The following CDKN2B-AS1 variants were observed in gnomAD, a reference collection of about 807,000 sequenced individuals.
CDKN2B-AS1 encodes the protein CDKN2B antisense RNA 1 (non-protein coding).
Position 21,995,678 on chromosome 9 carries a change from G to C in CDKN2B-AS1, n.29+517G>C, listed in dbSNP as rs1820634123. On this transcript the variant is annotated intron_variant and non_coding_transcript_variant, in intron 1 of 4. Transcript: ENST00000650946. This position sits in a 1 kb window ranked among gnomAD's most constrained non-coding sequence, Gnocchi z 5.7. ...GGAAAGGAAGGAGCGGCAGAAAGGAGGGGTGAGTCGAGGACACAGGGGCAG... is the reference window on the plus strand; with the variant it reads ...GGAAAGGAAGGAGCGGCAGAAAGGACGGGTGAGTCGAGGACACAGGGGCAG... The C allele has an allele frequency of 6.5e-6, 1 of 152,788 alleles. No individual in the cohort carries two copies. The highest frequency in any genetic ancestry group is 1.5e-5 in the Non-Finnish European group (1 of 68,486). 9.5% of individuals were successfully genotyped at this position (152,788 alleles called of 1,614,324 possible). A position where few individuals can be genotyped will look rare whatever the true frequency, so the allele number is the denominator to read the frequency against.
intron 1 of CDKN2B-AS1, among the ~76,000 whole-genome samples, chr9:22,021,169 A>C (rs1364707376): frequency 2.0e-5 from 3 of 152,148 alleles, no homozygotes; most frequent in Non-Finnish European, 4.4e-5. Context: ...AGGTTTGTTG[A>C]AGATCAGATA....
intron 1 of CDKN2B-AS1, chr9:22,008,853 A>C: frequency 6.2e-7 from 1 of 1,610,952 alleles, no homozygotes; most frequent in Non-Finnish European, 8.5e-7. Context: ...GCCGGCTTCC[A>C]GGAGCTGTCG....
intron 4 of CDKN2B-AS1, among the ~76,000 whole-genome samples, chr9:22,121,964 C>T (rs1360310022): frequency 5.3e-5 from 8 of 151,980 alleles, no homozygotes; most frequent in Non-Finnish European, 1.0e-4. Flanking sequence ...TTTTGAGGAA[C>T]CTCCATTCTG....
intron 4 of CDKN2B-AS1, among the ~76,000 whole-genome samples, chr9:22,066,571 T>A (rs980028826): frequency 2.0e-5 from 3 of 152,020 alleles, no homozygotes; most frequent in Non-Finnish European, 4.4e-5. Flanking sequence ...TAAGACCCAA[T>A]GGTAACTCTA....
intron 3 of CDKN2B-AS1, among the ~76,000 whole-genome samples, chr9:22,053,577 C>T (rs1430879514): frequency 6.6e-6 from 1 of 152,168 alleles, no homozygotes; most frequent in Non-Finnish European, 1.5e-5. Flanking sequence ...TCTCTCTTCC[C>T]TTTTCCTCCA....
intron 4 of CDKN2B-AS1, among the ~76,000 whole-genome samples, chr9:22,081,519 G>C (rs1210921566): frequency 1.3e-5 from 2 of 152,182 alleles, no homozygotes; most frequent in African/African-American, 4.8e-5. Flanking sequence ...ACTTGGCCCT[G>C]CCTGGCCTGA....
At chr9:22,023,571 T>TA (rs1269800200) in intron 1 of CDKN2B-AS1, among the ~76,000 whole-genome samples, 1 of 151,604 alleles carries the variant, frequency 6.6e-6, no homozygotes, top group Admixed American at 6.6e-5. Flanking sequence ...CCACCTCTAC[T>TA]AAAAATACCA....
Position 21,996,225 on chromosome 9 carries a change from G to T in CDKN2B-AS1, n.29+1064G>T, listed in dbSNP as rs1350376513. On this transcript the variant is annotated intron_variant and non_coding_transcript_variant, in intron 1 of 4. Transcript: ENST00000650946. This position sits in a 1 kb window ranked among gnomAD's most constrained non-coding sequence, Gnocchi z 5.4. ...TCACTTGACGTTGCTGCCGGACCTC[G>T]GTACAAACCCAAGACAAAACGGGGC... Among the ~76,000 whole-genome samples, 2 of 152,062 alleles carry T rather than the reference G, an allele frequency of 1.3e-5. No individual in the cohort carries two copies. Among genetic ancestry groups the T allele is most frequent in the Non-Finnish European group, 2.9e-5 (2 of 68,014 alleles).
At chr9:22,012,761 C>T (rs903369423) in intron 1 of CDKN2B-AS1, among the ~76,000 whole-genome samples, 1 of 151,386 alleles carries the variant, frequency 6.6e-6, no homozygotes, top group African/African-American at 2.4e-5. Flanking sequence ...AATTCATAAT[C>T]ACTTTTGGGG....
intron 1 of CDKN2B-AS1, among the ~76,000 whole-genome samples, chr9:22,037,450 A>G (rs1168203114): frequency 6.6e-6 from 1 of 151,598 alleles, no homozygotes; most frequent in Non-Finnish European, 1.5e-5. Context: ...ATCGGCTTCT[A>G]GTTTCCACAA....
At chr9:22,097,775 C>T (rs987799614) in intron 4 of CDKN2B-AS1, among the ~76,000 whole-genome samples, 1 of 152,216 alleles carries the variant, frequency 6.6e-6, no homozygotes, top group African/African-American at 2.4e-5. Flanking sequence ...TTTGTGCTTT[C>T]TGCTGCATTC....
intron 1 of CDKN2B-AS1, among the ~76,000 whole-genome samples, chr9:22,024,967 A>G (rs10811643): frequency 0.56 from 85,827 of 152,056 alleles, 25,274 homozygotes; most frequent in African/African-American, 0.7. Context: ...TGACTGATGT[A>G]CAAGACCACT....
At chr9:22,008,751 C>G in intron 1 of CDKN2B-AS1, 1 of 1,610,396 alleles carries the variant, frequency 6.2e-7, no homozygotes, top group Non-Finnish European at 8.5e-7. Flanking sequence ...AGGCCGCGCC[C>G]CGCGTTCGCG....
chr9:22,026,606 G>T (rs960124017), intron 1 of CDKN2B-AS1, among the ~76,000 whole-genome samples: 1 of 152,212 alleles, frequency 6.6e-6, no homozygotes, highest in Admixed American at 6.5e-5. Context: ...CTGTGGAAGT[G>T]GGGCCTGTAG....
At chr9:22,053,235 T>C (rs878930565) in intron 3 of CDKN2B-AS1, among the ~76,000 whole-genome samples, 3 of 152,208 alleles carry the variant, frequency 2.0e-5, no homozygotes, top group African/African-American at 7.2e-5. Flanking sequence ...ATGTATATTC[T>C]TTATCACTAG....
intron 4 of CDKN2B-AS1, among the ~76,000 whole-genome samples, chr9:22,098,579 G>A (rs572984633): frequency 6.6e-6 from 1 of 152,230 alleles, no homozygotes; most frequent in African/African-American, 2.4e-5. Context: ...TATAGCACAG[G>A]ATGTTCCAGT....
intron 4 of CDKN2B-AS1, among the ~76,000 whole-genome samples, chr9:22,080,376 C>A (rs1474919635): frequency 1.3e-5 from 2 of 152,210 alleles, no homozygotes; most frequent in Non-Finnish European, 2.9e-5. Flanking sequence ...TATGATCAAG[C>A]TGGCATCGTT....
chr9:22,057,490 G>C (rs560145675), intron 4 of CDKN2B-AS1, among the ~76,000 whole-genome samples: 2 of 152,244 alleles, frequency 1.3e-5, no homozygotes, highest in East Asian at 3.9e-4. Context: ...CACTCAGGAA[G>C]ACATAAAGAT....
intron 1 of CDKN2B-AS1, among the ~76,000 whole-genome samples, chr9:22,022,024 T>C (rs1477552406): frequency 6.6e-6 from 1 of 152,158 alleles, no homozygotes; most frequent in African/African-American, 2.4e-5. Flanking sequence ...GGGAGACAGT[T>C]TGTTATGATT....
Sources: allele counts gnomAD v4.1 joint callset (sites outside exome capture counted in the v4.1 genomes callset), GRCh38; gene constraint gnomAD v4.1.1; non-coding constraint Gnocchi (gnomAD v3.1); transcripts MANE v1.5; gene names NCBI Gene and HGNC (gene_info 2026-07-23, HGNC 2026-07-21).